Variants in CTNND2 observed in about 807,000 individuals in gnomAD.
The protein encoded by CTNND2 is catenin delta-2.
A neutral mutation model predicts 144.4 loss-of-function variants in CTNND2; 22 were observed. The ratio of observed to expected loss-of-function variants is 0.15; its 90% CI spans 0.11 to 0.22. The LOEUF (loss-of-function observed/expected upper bound fraction) is 0.22. Ranked by LOEUF, CTNND2 falls within the 10% of genes least tolerant of loss-of-function variation. The pLI is 1.00. For missense variants in CTNND2, 1,353 were observed against 1,618.8 expected (o/e 0.84, Z 2.82); for synonymous variants, 751 against 695.6 (o/e 1.08, Z -1.25).
intron 16 of CTNND2, among the ~76,000 whole-genome samples, chr5:11,047,518 T>G (rs1745387735): frequency 6.6e-6 from 1 of 152,202 alleles, no homozygotes; most frequent in South Asian, 2.1e-4. Flanking sequence ...TATGGCTCCA[T>G]GTCTACATAC....
intron 11 of CTNND2, among the ~76,000 whole-genome samples, chr5:11,171,704 A>C (rs1256318848): frequency 1.3e-5 from 2 of 152,184 alleles, no homozygotes; most frequent in East Asian, 3.9e-4. Context: ...AAGTCCATCA[A>C]CTGTCAGAGG....
At chr5:11,687,189 C>T (rs988587887) in intron 2 of CTNND2, among the ~76,000 whole-genome samples, 3 of 152,184 alleles carry the variant, frequency 2.0e-5, no homozygotes, top group Admixed American at 1.3e-4. Context: ...ATGCGATTTC[C>T]GGAGTGATCT....
At chr5:11,276,581 G>C (rs985888142) in intron 9 of CTNND2, among the ~76,000 whole-genome samples, 1 of 152,162 alleles carries the variant, frequency 6.6e-6, no homozygotes, top group East Asian at 1.9e-4. Flanking sequence ...CTAGGGTATA[G>C]TGCATAGTGG....
At chr5:11,491,990 C>G (rs1446542052) in intron 3 of CTNND2, among the ~76,000 whole-genome samples, 1 of 152,136 alleles carries the variant, frequency 6.6e-6, no homozygotes, top group Admixed American at 6.5e-5. Flanking sequence ...ACAAGGACAG[C>G]TGTCAAAAAT....
intron 3 of CTNND2, among the ~76,000 whole-genome samples, chr5:11,459,797 T>C (rs113613126): frequency 0.021 from 3,128 of 152,326 alleles, 115 homozygotes; most frequent in African/African-American, 0.072. Context: ...GTCAAGATTG[T>C]ATTTAATATT....
chr5:11,585,103 G>C (rs1021685869), intron 2 of CTNND2, among the ~76,000 whole-genome samples: 1 of 152,174 alleles, frequency 6.6e-6, no homozygotes, highest in Non-Finnish European at 1.5e-5. Flanking sequence ...CAAGGCATTT[G>C]TGACATTTCC....
At chr5:11,547,145 G>A (rs1775310973) in intron 3 of CTNND2, among the ~76,000 whole-genome samples, 1 of 151,994 alleles carries the variant, frequency 6.6e-6, no homozygotes, top group Admixed American at 6.5e-5. Flanking sequence ...GCAGGCACCT[G>A]TAATCTCAGC....
intron 7 of CTNND2, among the ~76,000 whole-genome samples, chr5:11,375,778 G>A (rs1757865431): frequency 1.3e-5 from 2 of 152,114 alleles, no homozygotes; most frequent in African/African-American, 2.4e-5. Context: ...TTCTAGTACA[G>A]AAAGTCAATT....
At chr5:11,047,737 A>C (rs1745416032) in intron 16 of CTNND2, among the ~76,000 whole-genome samples, 1 of 152,108 alleles carries the variant, frequency 6.6e-6, no homozygotes, top group Non-Finnish European at 1.5e-5. Context: ...TCTGTTGACC[A>C]TGTCATGTCG....
chr5:11,810,135 T>G, intron 1 of CTNND2, among the ~76,000 whole-genome samples: 1 of 152,150 alleles, frequency 6.6e-6, no homozygotes, highest in Non-Finnish European at 1.5e-5. Context: ...ATATTAAATA[T>G]TAGCATATAC....
intron 6 of CTNND2, among the ~76,000 whole-genome samples, chr5:11,392,192 CG>C (rs1759694773): frequency 6.6e-6 from 1 of 152,120 alleles, no homozygotes; most frequent in Non-Finnish European, 1.5e-5. Context: ...AACATGGTGA[CG>C]TAGATTTTTG....
intron 1 of CTNND2, among the ~76,000 whole-genome samples, chr5:11,818,959 C>A (rs555667843): frequency 1.3e-5 from 2 of 152,244 alleles, no homozygotes; most frequent in African/African-American, 4.8e-5. Flanking sequence ...TATTTGTTTT[C>A]CTTTTCAGAA....
chr5:11,124,003 T>C (rs1754401102), intron 12 of CTNND2, among the ~76,000 whole-genome samples: 1 of 152,168 alleles, frequency 6.6e-6, no homozygotes, highest in Non-Finnish European at 1.5e-5. Flanking sequence ...GAAATAACAC[T>C]AAACTTGTGA....
intron 9 of CTNND2, among the ~76,000 whole-genome samples, chr5:11,294,410 G>C (rs1748684219): frequency 6.6e-6 from 1 of 152,118 alleles, no homozygotes. Flanking sequence ...TGGTTATTCA[G>C]TCTTGGGTAT....
chr5:11,737,866 T>C (rs1787780063), intron 1 of CTNND2, among the ~76,000 whole-genome samples: 2 of 152,218 alleles, frequency 1.3e-5, no homozygotes, highest in South Asian at 2.1e-4. Context: ...GAGAAAGTAC[T>C]GTTGACCAGC....
intron 1 of CTNND2, among the ~76,000 whole-genome samples, chr5:11,821,876 T>C (rs964703120): frequency 6.6e-6 from 1 of 152,208 alleles, no homozygotes; most frequent in African/African-American, 2.4e-5. Context: ...CTCCATATAC[T>C]GAAACCATTT....
intron 14 of CTNND2, among the ~76,000 whole-genome samples, chr5:11,108,623 C>T (rs1752654032): frequency 1.3e-5 from 2 of 152,168 alleles, no homozygotes; most frequent in African/African-American, 4.8e-5. Context: ...ATATTTTTTA[C>T]CCATTTAAAT....
intron 2 of CTNND2, among the ~76,000 whole-genome samples, chr5:11,610,818 G>A (rs868546402): frequency 8.5e-5 from 13 of 152,086 alleles, no homozygotes; most frequent in African/African-American, 1.7e-4. Context: ...TATTTGCTCA[G>A]GTAGAAAACA....
intron 16 of CTNND2, 111 bp downstream of exon 16, chr5:11,082,585 T>G: frequency 7.9e-7 from 1 of 1,263,992 alleles, no homozygotes; most frequent in Non-Finnish European, 1.1e-6. Flanking sequence ...TGCTAATAAA[T>G]GCACGGCTTC....
Sources: gnomAD v4.1 joint callset for allele counts (sites outside exome capture counted in the v4.1 genomes callset) on GRCh38, gnomAD v4.1.1 for gene constraint, MANE v1.5 for transcripts, NCBI Gene and HGNC (gene_info 2026-07-23, HGNC 2026-07-21) for gene names.